Variants in MIER1 observed in about 807,000 individuals in gnomAD.
The protein encoded by MIER1 is MIER1 transcriptional regulator.
A neutral mutation model predicts 75.7 loss-of-function variants in MIER1; 40 were observed. The ratio of observed to expected loss-of-function variants is 0.53; its 90% confidence interval spans 0.41 to 0.69. The LOEUF (loss-of-function observed/expected upper bound fraction) is 0.69. MIER1 is among the 30% of genes least tolerant of loss of function. MIER1 has a pLI of 0.00. For synonymous variants in MIER1, 213 were observed against 223.4 expected (o/e 0.95, Z 0.42); for missense variants, 574 against 680.2 (o/e 0.84, Z 1.74).
rs1411981258 is a variant in MIER1, at chr1:66,972,253, TATATATATAG to T, written c.1006+522_1006+531del. 9.9e-3 allele frequency among the ~76,000 whole-genome samples: 945 copies of T among 95,904 alleles called. 14 individuals are homozygous for T. The highest frequency in any genetic ancestry group is 0.045 in the African/African-American group (733 of 16,222). 62.9% of individuals were successfully genotyped at this position (95,904 alleles called of 152,430 possible). On this transcript the variant is annotated intron_variant, in intron 10 of 13. Coordinates refer to ENST00000401041, the MANE Select transcript of MIER1 (RefSeq NM_001077700.3). ...TACACTACATATATATATATATATA[TATATATATAG>T]ATATGTAACAAATGAGAGATATTTA... is the stretch of plus-strand genomic sequence containing the variant.
At chr1:66,961,814 G>GA (rs767525146) in intron 7 of MIER1, among the ~76,000 whole-genome samples, 1 of 152,182 alleles carries the variant, frequency 6.6e-6, no homozygotes, top group Non-Finnish European at 1.5e-5. Flanking sequence ...GACATAAAGA[G>GA]AATTCCATTG....
chr1:66,975,163 A>G (rs1466379864), intron 11 of MIER1, among the ~76,000 whole-genome samples: 1 of 152,208 alleles, frequency 6.6e-6, no homozygotes, highest in Non-Finnish European at 1.5e-5. Context: ...TATTTACTTC[A>G]AGAGCAGAAA....
chr1:66,929,687 G>A (rs1157245230), intron 2 of MIER1, among the ~76,000 whole-genome samples: 1 of 152,176 alleles, frequency 6.6e-6, no homozygotes, highest in East Asian at 1.9e-4. Context: ...AGAAGTGTGT[G>A]AGAAAACGCA....
chr1:66,953,444 A>C (rs1659418199), intron 4 of MIER1, among the ~76,000 whole-genome samples: 1 of 152,038 alleles, frequency 6.6e-6, no homozygotes, highest in East Asian at 1.9e-4. Flanking sequence ...CCTTAGATTA[A>C]ATAAGAGACT....
At chr1:66,951,121 A>G (rs1658833729) in intron 4 of MIER1, among the ~76,000 whole-genome samples, 1 of 152,172 alleles carries the variant, frequency 6.6e-6, no homozygotes, top group South Asian at 2.1e-4. Context: ...TTAGTGTTTG[A>G]TAACTTTACC....
intron 4 of MIER1, among the ~76,000 whole-genome samples, chr1:66,955,615 G>A (rs554418622): frequency 4.6e-5 from 7 of 152,152 alleles, no homozygotes; most frequent in African/African-American, 1.7e-4. Context: ...GGTTTCAAAG[G>A]ATTAGTTATA....
At chr1:66,954,630 ACT>A (rs1267153870) in intron 4 of MIER1, among the ~76,000 whole-genome samples, 8 of 150,830 alleles carry the variant, frequency 5.3e-5, no homozygotes, top group African/African-American at 1.2e-4. Flanking sequence ...GCTACTTTTG[ACT>A]CTCTCTGTTC....
At position 66,982,041 on chromosome 1, in the gene MIER1, A is replaced by G. The variant is rs1458491512; in HGVS notation, c.1369+123A>G. Reference sequence around the variant, plus strand: ...AGCAGAAAGTAAAAAATGATAACACATGAGACAAACATAACATCAGCATAC... The same window carrying G: ...AGCAGAAAGTAAAAAATGATAACACGTGAGACAAACATAACATCAGCATAC... On this transcript the variant is annotated intron_variant, in intron 13 of 13. Coordinates refer to ENST00000401041, the MANE Select transcript of MIER1 (RefSeq NM_001077700.3). The G allele has an allele frequency of 9.7e-6, 9 of 927,244 alleles. 1 individual carries two copies. Among genetic ancestry groups the G allele is most frequent in the Middle Eastern group, 4.4e-4 (2 of 4,496 alleles). 57.4% of individuals were successfully genotyped at this position (927,244 alleles called of 1,614,324 possible).
chr1:66,973,040 C>T (rs774251509), intron 11 of MIER1, 49 bp downstream of exon 11: 1 of 942,978 alleles, frequency 1.1e-6, no homozygotes, highest in African/African-American at 1.6e-5. Context: ...AGTTGAACAA[C>T]TCAAATGGTC....
rs1266187829 is a variant in MIER1 at position 66,926,167 on chromosome 1, G to T, written c.93G>T (p.Gln31His). 4 of 1,613,784 alleles carry T rather than the reference G, an allele frequency of 2.5e-6. 1 individual carries two copies. In the South Asian group the frequency reaches 4.4e-5, roughly 18 times the overall value. The change falls in exon 2 of 14, where the codon CAG becomes CAT. Residue 31 changes from glutamine (Q) to histidine (H), a missense_variant. Physicochemically the swap from Gln to His is conservative, Grantham distance 24 (BLOSUM62 0). This residue lies in a region of MIER1 where 309 missense variants were observed against 352.8 expected (regional missense o/e 0.88). Coordinates refer to ENST00000401041, the MANE Select transcript of MIER1 (RefSeq NM_001077700.3). ...ATGGTGTGGTCGCTCGATTCTCCCAGTGCCTGGCTGAGTTTCGGACGTGGT... is the reference window on the plus strand; with the variant it reads ...ATGGTGTGGTCGCTCGATTCTCCCATTGCCTGGCTGAGTTTCGGACGTGGT... ...SGYGVVARFS[Q>H]CLAEFRTWLR...
At chr1:66,964,298 C>T (rs1160845211) in intron 8 of MIER1, among the ~76,000 whole-genome samples, 1 of 151,628 alleles carries the variant, frequency 6.6e-6, no homozygotes, top group South Asian at 2.1e-4. Context: ...TGGTCTTAAA[C>T]TCCTCACCTC....
chr1:66,977,391 T>TAATCC (rs1664937737), intron 12 of MIER1, among the ~76,000 whole-genome samples: 1 of 152,066 alleles, frequency 6.6e-6, no homozygotes, highest in Non-Finnish European at 1.5e-5. Context: ...ATTACAGGAG[T>TAATCC]GAGCCACTGT....
At chr1:66,942,467 G>A (rs1334848046) in intron 3 of MIER1, among the ~76,000 whole-genome samples, 4 of 152,200 alleles carry the variant, frequency 2.6e-5, no homozygotes, top group Admixed American at 2.0e-4. Flanking sequence ...TTGAAAAGAT[G>A]TAAGGTACCT....
intron 2 of MIER1, among the ~76,000 whole-genome samples, chr1:66,936,709 A>G (rs1654931328): frequency 6.6e-6 from 1 of 151,990 alleles, no homozygotes; most frequent in Admixed American, 6.6e-5. Flanking sequence ...AAATCATTTC[A>G]AAAAAGAGAG....
chr1:66,944,230 T>C (rs765021218), intron 3 of MIER1, among the ~76,000 whole-genome samples: 22 of 152,232 alleles, frequency 1.4e-4, no homozygotes, highest in Non-Finnish European at 2.1e-4. Flanking sequence ...GCTTTACTTA[T>C]TGTTTATCTT....
chr1:66,984,112 A>G (rs1340654137), intron 13 of MIER1, among the ~76,000 whole-genome samples: 1 of 152,208 alleles, frequency 6.6e-6, no homozygotes, highest in African/African-American at 2.4e-5. Flanking sequence ...CAGTTTACTC[A>G]AGCTTTTTAA....
At position 66,976,700 on chromosome 1, in the gene MIER1, T is replaced by G; in HGVS notation, c.1207T>G (p.Tyr403Asp). ...AQQTRFGKKKYNLHPGVTDYM... is the reference protein window; with the variant it reads ...AQQTRFGKKKDNLHPGVTDYM... ...GCAAACACGATTTGGAAAGAAGAAATATAATCTTCATCCTGGTGTAACGTG... is the reference window on the plus strand; with the variant it reads ...GCAAACACGATTTGGAAAGAAGAAAGATAATCTTCATCCTGGTGTAACGTG... Residue 403 changes from tyrosine to aspartate, a missense_variant, in exon 12 of 14, where the codon TAT becomes GAT. Tyr to Asp is a radical substitution (Grantham distance 160). Around this residue, in one of 3 missense-constraint regions of MIER1, gnomAD observed 101 missense variants for 173.1 expected, o/e 0.58. Coordinates refer to ENST00000401041, the MANE Select transcript of MIER1 (RefSeq NM_001077700.3). The G allele has an allele frequency of 1.2e-6, 2 of 1,605,380 alleles. No homozygotes were observed. Among genetic ancestry groups the G allele is most frequent in the Non-Finnish European group, 1.7e-6 (2 of 1,176,592 alleles).
At chr1:66,930,427 TCCCGGAGCCGGGCGCCCCCGGC>T (rs749676964) in intron 2 of MIER1, 17 of 1,603,802 alleles carry the variant, frequency 1.1e-5, no homozygotes, top group Non-Finnish European at 8.5e-7. Flanking sequence ...CCCCTCCCTG[TCCCGGAGCCGGGCGCCCCCGGC>T]CCTGGGCCGG....
intron 3 of MIER1, chr1:66,940,265 G>GTT: frequency 6.7e-6 from 2 of 297,138 alleles, no homozygotes; most frequent in Non-Finnish European, 5.8e-6. Flanking sequence ...CTATTTTTGG[G>GTT]TTTTCTTTTT....
Sources: allele counts gnomAD v4.1 joint callset (sites outside exome capture counted in the v4.1 genomes callset), GRCh38; gene constraint gnomAD v4.1.1; regional missense constraint gnomAD v4.1.1; transcripts MANE v1.5; gene names NCBI Gene and HGNC (gene_info 2026-07-23, HGNC 2026-07-21).